Variants in CFAP61 observed in about 807,000 individuals in gnomAD.
CFAP61 encodes cilia and flagella associated protein 61, also known as cilia- and flagella-associated protein 61.
In CFAP61, 107 loss-of-function variants were observed where a neutral mutation model predicts 135.6. That is an observed-to-expected ratio of 0.79 (90% CI 0.67 to 0.93). CFAP61 has a LOEUF of 0.93. Ranked by LOEUF, CFAP61 falls within the 40% of genes least tolerant of loss-of-function variation. CFAP61 has a pLI of 0.00. For missense variants in CFAP61, 1,507 were observed against 1,556.2 expected, an observed-to-expected ratio of 0.97 and a Z score of 0.53; for synonymous variants, 575 against 578.5, an observed-to-expected ratio of 0.99 and a Z score of 0.09.
At chr20:20,331,658 GT>G (rs1463045332) in intron 25 of CFAP61, among the ~76,000 whole-genome samples, 4 of 152,174 alleles carry the variant, frequency 2.6e-5, no homozygotes, top group Non-Finnish European at 1.5e-5. Flanking sequence ...GCTCTATGGA[GT>G]TTGCTAGTTC....
At chr20:20,066,891 T>C (rs979108359) in intron 2 of CFAP61, among the ~76,000 whole-genome samples, 10 of 152,156 alleles carry the variant, frequency 6.6e-5, no homozygotes, top group African/African-American at 2.4e-4. Context: ...GTCCACATTA[T>C]TTTATGGGTT....
At chr20:20,137,067 C>G (rs2050986138) in intron 8 of CFAP61, among the ~76,000 whole-genome samples, 1 of 152,166 alleles carries the variant, frequency 6.6e-6, no homozygotes, top group Admixed American at 6.5e-5. Context: ...GATTACCAGG[C>G]AGAGACTCTT....
intron 6 of CFAP61, among the ~76,000 whole-genome samples, chr20:20,078,947 A>C (rs1327107666): frequency 6.6e-6 from 1 of 152,234 alleles, no homozygotes; most frequent in Non-Finnish European, 1.5e-5. Context: ...AAAGATTAAT[A>C]TGGGGACATT....
chr20:20,157,284 G>C, intron 9 of CFAP61, among the ~76,000 whole-genome samples: 1 of 152,222 alleles, frequency 6.6e-6, no homozygotes, highest in East Asian at 1.9e-4. Flanking sequence ...TGTTGGCCAG[G>C]CTGGTCTTGA....
intron 18 of CFAP61, among the ~76,000 whole-genome samples, chr20:20,234,100 CAA>C (rs2049384132): frequency 6.6e-6 from 1 of 152,112 alleles, no homozygotes; most frequent in Non-Finnish European, 1.5e-5. Context: ...AAGCTGAAAA[CAA>C]AGCATTTGGA....
intron 17 of CFAP61, among the ~76,000 whole-genome samples, chr20:20,203,825 C>T (rs1463654312): frequency 2.0e-5 from 3 of 152,060 alleles, no homozygotes; most frequent in African/African-American, 7.2e-5. Flanking sequence ...AGTCTAGTTT[C>T]AGTATTAAAT....
chr20:20,248,080 C>T (rs558401532), intron 19 of CFAP61, among the ~76,000 whole-genome samples: 10 of 152,314 alleles, frequency 6.6e-5, no homozygotes, highest in Admixed American at 3.9e-4. Flanking sequence ...TTGATGTATA[C>T]TCAATACCTG....
chr20:20,314,405 A>C (rs1342374469), intron 25 of CFAP61, among the ~76,000 whole-genome samples: 1 of 146,684 alleles, frequency 6.8e-6, no homozygotes, highest in Non-Finnish European at 1.5e-5. Context: ...AAAAAAAAAA[A>C]AAAATCAACA....
intron 17 of CFAP61, among the ~76,000 whole-genome samples, chr20:20,219,891 A>C (rs1018659979): frequency 4.6e-5 from 7 of 152,244 alleles, no homozygotes; most frequent in Non-Finnish European, 2.9e-5. Flanking sequence ...TGATAAAAGC[A>C]ACAGAAACAT....
At position 20,052,535 on chromosome 20, in the gene CFAP61, C is replaced by T. The variant is rs755883285; in HGVS notation, c.-93C>T. 3 of 1,614,232 alleles carry T rather than the reference C, an allele frequency of 1.9e-6. No individual in the cohort carries two copies. Among genetic ancestry groups the T allele is most frequent in the Admixed American group, 1.7e-5 (1 of 60,030 alleles). ...CGGCACCGTTTCCATGGTGACCAGG[C>T]TGCGCGTCCTCCTTGCGGCAGCGCG... is the stretch of plus-strand genomic sequence containing the variant. On this transcript the variant is annotated 5_prime_UTR_variant, in exon 1 of 27. Coordinates refer to ENST00000245957, the MANE Select transcript of CFAP61 (RefSeq NM_015585.4).
At chr20:20,154,107 A>G (rs1194178995) in intron 9 of CFAP61, among the ~76,000 whole-genome samples, 3 of 152,140 alleles carry the variant, frequency 2.0e-5, no homozygotes, top group Non-Finnish European at 2.9e-5. Flanking sequence ...AACAAAAATC[A>G]TATTATCATC....
chr20:20,128,803 G>GA (rs2050277118), intron 8 of CFAP61, among the ~76,000 whole-genome samples: 1 of 151,470 alleles, frequency 6.6e-6, no homozygotes, highest in Non-Finnish European at 1.5e-5. Flanking sequence ...TGAGGCCTAT[G>GA]AAAAACACCT....
intron 18 of CFAP61, among the ~76,000 whole-genome samples, chr20:20,230,716 C>A (rs1043821751): frequency 1.3e-4 from 20 of 152,218 alleles, no homozygotes; most frequent in African/African-American, 4.8e-4. Context: ...CCACCATGCC[C>A]GACTCATTTT....
At position 20,085,616 on chromosome 20, in the gene CFAP61, A is replaced by G; in HGVS notation, c.567-5228A>G. ...GGGCTCTGGGTCTTTCGGAACCTTT[A>G]TTCCTGATGTTTATAGCTACAGAGT... On this transcript the variant is annotated intron_variant, in intron 6 of 26. Transcript: ENST00000245957. 4.9e-6 allele frequency: 4 copies of G among 820,540 alleles called. No individual in the cohort carries two copies. In the South Asian group the frequency reaches 5.4e-5, roughly 11 times the overall value. The allele number at this position is 820,540 out of a possible 1,614,324, so 50.8% of individuals were successfully genotyped here. A position where few individuals can be genotyped will look rare whatever the true frequency, so the allele number is the denominator to read the frequency against.
At chr20:20,119,691 A>C (rs1006592623) in intron 8 of CFAP61, among the ~76,000 whole-genome samples, 8 of 152,138 alleles carry the variant, frequency 5.3e-5, no homozygotes, top group African/African-American at 1.9e-4. Flanking sequence ...TTTGTTACAT[A>C]GGTAAACTCA....
chr20:20,304,272 C>CTG (rs532157100), intron 25 of CFAP61, among the ~76,000 whole-genome samples: 54,734 of 102,990 alleles, frequency 0.53, 14,626 homozygotes, highest in South Asian at 0.63. Context: ...CCATCGGTGA[C>CTG]TGTGTGTGTG....
At chr20:20,143,405 G>A (rs191047169) in intron 9 of CFAP61, among the ~76,000 whole-genome samples, 4 of 152,290 alleles carry the variant, frequency 2.6e-5, no homozygotes, top group East Asian at 3.9e-4. Flanking sequence ...GAGGGGACTC[G>A]GGAGATGTGA....
rs543046864 is a variant in CFAP61 at position 20,299,708 on chromosome 20, A to G, written c.3422+1322A>G. The stretch of plus-strand genomic sequence containing the variant: ...GTGTTTGTGAGAACCATCCAGGATG[A>G]TGTCTGTAGCTGTGGTTCGTTTGTT... On this transcript the variant is annotated intron_variant, in intron 25 of 26. Coordinates refer to ENST00000245957, the MANE Select transcript of CFAP61 (RefSeq NM_015585.4). Among the ~76,000 whole-genome samples the G allele has an allele frequency of 1.3e-4, 20 of 152,316 alleles. No homozygotes were observed. In the East Asian group the frequency reaches 3.1e-3, roughly 23 times the overall value.
intron 26 of CFAP61, among the ~76,000 whole-genome samples, chr20:20,352,079 G>A (rs562938029): frequency 9.2e-5 from 14 of 152,238 alleles, no homozygotes; most frequent in African/African-American, 2.2e-4. Context: ...GGTAATTTAC[G>A]AAGGAAAGAG....
Sources: gnomAD v4.1 joint callset for allele counts (sites outside exome capture counted in the v4.1 genomes callset) on GRCh38, gnomAD v4.1.1 for gene constraint, MANE v1.5 for transcripts, NCBI Gene and HGNC (gene_info 2026-07-23, HGNC 2026-07-21) for gene names.